Variants in ASTN2 observed in about 807,000 individuals in gnomAD.
The protein encoded by ASTN2 is astrotactin-2.
Under a neutral mutation model 139.8 loss-of-function variants are expected in ASTN2, and 54 were observed. The observed-to-expected ratio is 0.39, with a 90% CI of 0.31 to 0.48. ASTN2 has a LOEUF of 0.48. ASTN2 is among the 20% of genes least tolerant of loss of function. The probability of loss-of-function intolerance (pLI) is 0.95; values close to 1 mark genes in which losing one functional copy is unlikely to be tolerated. For synonymous variants in ASTN2, 756 were observed against 719.5 expected, an observed-to-expected ratio of 1.05 and a Z score of -0.81; for missense variants, 1,565 against 1,725.1, an observed-to-expected ratio of 0.91 and a Z score of 1.64.
intron 4 of ASTN2, among the ~76,000 whole-genome samples, chr9:117,096,419 A>G (rs963913182): frequency 1.3e-5 from 2 of 152,182 alleles, no homozygotes; most frequent in Non-Finnish European, 2.9e-5. Flanking sequence ...TCTCTAAAAT[A>G]GGGATAAAAT....
intron 16 of ASTN2, among the ~76,000 whole-genome samples, chr9:116,708,065 C>T (rs908235289): frequency 3.9e-5 from 6 of 152,012 alleles, no homozygotes; most frequent in Non-Finnish European, 7.4e-5. Flanking sequence ...CAAAATGGGA[C>T]GGCATGGACC....
intron 13 of ASTN2, among the ~76,000 whole-genome samples, chr9:116,790,718 C>T (rs934870531): frequency 8.0e-5 from 12 of 150,542 alleles, no homozygotes; most frequent in African/African-American, 2.4e-4. Flanking sequence ...CTCTGTCACC[C>T]AGGCTGGAGT....
chr9:116,523,330 T>C (rs1176710093), intron 19 of ASTN2, among the ~76,000 whole-genome samples: 3 of 152,004 alleles, frequency 2.0e-5, no homozygotes, highest in Non-Finnish European at 4.4e-5. Flanking sequence ...TTAAACATTT[T>C]GAGATGGACA....
chr9:117,315,866 A>C (rs1254179793), intron 1 of ASTN2, among the ~76,000 whole-genome samples: 1 of 152,224 alleles, frequency 6.6e-6, no homozygotes. Context: ...AACTTCAGAG[A>C]GTAAAACCTC....
At position 116,424,245 on chromosome 9, in the gene ASTN2, A is replaced by G. The variant is rs939933116; in HGVS notation, c.*1606T>C. ...AAATAGATAAATAAAGGGAGATTCC[A>G]GTGTTGGTATGTCACCCCCTAAGCT... On this transcript the variant is annotated 3_prime_UTR_variant, in exon 23 of 23. Coordinates refer to ENST00000313400, the MANE Select transcript of ASTN2 (RefSeq NM_001365068.1). Among the ~76,000 whole-genome samples, 4 of 152,322 alleles carry G rather than the reference A, an allele frequency of 2.6e-5. No homozygotes were observed. In the South Asian group the frequency reaches 6.2e-4, roughly 24 times the overall value.
intron 3 of ASTN2, among the ~76,000 whole-genome samples, chr9:117,144,136 C>T (rs959929623): frequency 3.3e-5 from 5 of 152,138 alleles, no homozygotes; most frequent in Non-Finnish European, 7.4e-5. Flanking sequence ...TTTCTATGGA[C>T]ACAGACTGAG....
chr9:117,039,597 GA>G (rs975188800), intron 6 of ASTN2, among the ~76,000 whole-genome samples: 9 of 148,934 alleles, frequency 6.0e-5, no homozygotes, highest in South Asian at 2.1e-4. Context: ...AGAGTAAAAG[GA>G]AAAAAAAATT....
intron 18 of ASTN2, among the ~76,000 whole-genome samples, chr9:116,619,265 T>A (rs971078238): frequency 9.9e-5 from 15 of 152,040 alleles, no homozygotes; most frequent in Non-Finnish European, 1.6e-4. Context: ...ACACCACTTC[T>A]CCCTCTTAAT....
intron 19 of ASTN2, chr9:116,568,625 AG>A (rs1853356148): frequency 6.6e-6 from 1 of 152,436 alleles, no homozygotes; most frequent in African/African-American, 2.4e-5. Flanking sequence ...CTCTACACAC[AG>A]AGTCTTTGTT....
chr9:116,924,901 C>T (rs1834713254), intron 10 of ASTN2, among the ~76,000 whole-genome samples: 1 of 152,246 alleles, frequency 6.6e-6, no homozygotes, highest in South Asian at 2.1e-4. Flanking sequence ...CAATAGGTCT[C>T]AGCCTCATTT....
At chr9:116,752,858 TAAC>T (rs143340363) in intron 13 of ASTN2, among the ~76,000 whole-genome samples, 11,839 of 152,164 alleles carry the variant, frequency 0.078, 556 homozygotes, top group Non-Finnish European at 0.1. Context: ...TCCAAAACAT[TAAC>T]AACAACAAAT....
At chr9:116,719,473 G>A (rs1828413774) in intron 16 of ASTN2, among the ~76,000 whole-genome samples, 1 of 152,126 alleles carries the variant, frequency 6.6e-6, no homozygotes, top group South Asian at 2.1e-4. Flanking sequence ...GAGAGAGGGT[G>A]TTGAGAAGGA....
chr9:117,326,790 G>C (rs1045235234), intron 1 of ASTN2, among the ~76,000 whole-genome samples: 5 of 152,136 alleles, frequency 3.3e-5, no homozygotes, highest in Admixed American at 3.3e-4. Context: ...ATTAGGGTGA[G>C]CCAAGATAAA....
chr9:116,821,335 T>G (rs549230939), intron 11 of ASTN2, among the ~76,000 whole-genome samples: 112 of 152,284 alleles, frequency 7.4e-4, no homozygotes, highest in African/African-American at 2.5e-3. Flanking sequence ...AACTACAGAT[T>G]TGTTGTGAAG....
At chr9:116,909,801 A>G (rs1834262809) in intron 10 of ASTN2, among the ~76,000 whole-genome samples, 1 of 152,238 alleles carries the variant, frequency 6.6e-6, no homozygotes. Flanking sequence ...TTCTAACAGG[A>G]AGGAGTGACC....
intron 20 of ASTN2, among the ~76,000 whole-genome samples, chr9:116,457,518 C>A (rs767342058): frequency 2.0e-5 from 3 of 152,002 alleles, no homozygotes; most frequent in Non-Finnish European, 2.9e-5. Flanking sequence ...ATTCTAATAA[C>A]CCCATTTAAA....
Position 116,943,831 on chromosome 9 carries a change from C to T in ASTN2, c.1889+31377G>A, listed in dbSNP as rs531450002. On this transcript the variant is annotated intron_variant, in intron 10 of 22. Coordinates refer to ENST00000313400, the MANE Select transcript of ASTN2 (RefSeq NM_001365068.1). ...CCATTCTATCTTTTTCCATATTATC[C>T]CATCCCACAAGATTTTGTTTGCCTC... 4.6e-5 allele frequency among the ~76,000 whole-genome samples: 7 copies of T among 152,236 alleles called. No individual in the cohort carries two copies. In the South Asian group the frequency reaches 1.5e-3, roughly 32 times the overall value.
At chr9:117,190,820 C>A (rs1831325427) in intron 3 of ASTN2, among the ~76,000 whole-genome samples, 1 of 152,044 alleles carries the variant, frequency 6.6e-6, no homozygotes, top group African/African-American at 2.4e-5. Flanking sequence ...TCCCCCATTG[C>A]AATTATTATC....
intron 16 of ASTN2, among the ~76,000 whole-genome samples, chr9:116,693,372 C>T (rs1042078193): frequency 6.6e-6 from 1 of 152,104 alleles, no homozygotes; most frequent in Non-Finnish European, 1.5e-5. Flanking sequence ...TTTTCTACTA[C>T]CTTGGTTACT....
Sources: gnomAD v4.1 joint callset for allele counts (sites outside exome capture counted in the v4.1 genomes callset) on GRCh38, gnomAD v4.1.1 for gene constraint, MANE v1.5 for transcripts, NCBI Gene and HGNC (gene_info 2026-07-23, HGNC 2026-07-21) for gene names.